Variants in CACNA1B observed in about 807,000 individuals in gnomAD.
CACNA1B encodes calcium voltage-gated channel subunit alpha1 B.
Under a neutral mutation model 247.2 loss-of-function variants are expected in CACNA1B, and 70 were observed. The observed-to-expected ratio is 0.28, with a 90% CI of 0.23 to 0.35. The LOEUF is 0.35. Ranked by LOEUF, CACNA1B falls within the 10% of genes least tolerant of loss-of-function variation. The pLI, the probability that CACNA1B is intolerant of heterozygous loss-of-function variation, is 1.00. For synonymous variants in CACNA1B, 1,231 were observed against 1,294.4 expected (o/e 0.95, Z 1.05); for missense variants, 2,367 against 3,197.4 (o/e 0.74, Z 6.26).
rs201196063 is a variant in CACNA1B, at chr9:138,015,932, A to G, written c.2267+2697A>G. On this transcript the variant is annotated intron_variant, in intron 18 of 46. Transcript: ENST00000371372. ...GTCACACTGACACTCACACACACAC[A>G]CATACTCACAAATACATATAGGCAA... Among the ~76,000 whole-genome samples the G allele has an allele frequency of 5.3e-5, 8 of 152,036 alleles. No homozygotes were observed. The East Asian group carries it at 1.5e-3, about 29-fold the overall frequency.
At position 138,052,362 on chromosome 9, in the gene CACNA1B, T is replaced by C. The variant is rs1210383950; in HGVS notation, c.3807+174T>C. Among the ~76,000 whole-genome samples, 1 of 152,164 alleles carries C rather than the reference T, an allele frequency of 6.6e-6. No individual in the cohort carries two copies. Among genetic ancestry groups the C allele is most frequent in the Non-Finnish European group, 1.5e-5 (1 of 68,036 alleles). On this transcript the variant is annotated intron_variant, in intron 25 of 46. Coordinates refer to ENST00000371372, the MANE Select transcript of CACNA1B (RefSeq NM_000718.4). This position sits in a 1 kb window ranked among gnomAD's most constrained non-coding sequence, Gnocchi z 5.1. ...AAGCCCCCATTACCCAAGTAGACCT[T>C]GTTCCCAGCAGCCTCCTGTGAGAAT...
intron 34 of CACNA1B, among the ~76,000 whole-genome samples, chr9:138,074,759 G>C (rs1468137060): frequency 6.6e-6 from 1 of 152,240 alleles, no homozygotes; most frequent in Non-Finnish European, 1.5e-5. Flanking sequence ...ATGGGTGCTG[G>C]CTGTGTGGTG....
Position 138,007,221 on chromosome 9 carries a change from TG to T in CACNA1B, c.2092+338del, listed in dbSNP as rs1042000880. Among the ~76,000 whole-genome samples, 1 of 152,166 alleles carries T rather than the reference TG, an allele frequency of 6.6e-6. No homozygotes were observed. Among genetic ancestry groups the T allele is most frequent in the African/African-American group, 2.4e-5 (1 of 41,428 alleles). ...GTTTTTGTTTTCACTTTGATTTAATTGTGTACTTAGGTTTTGGCACTGGGCT... is the reference window on the plus strand; with the variant it reads ...GTTTTTGTTTTCACTTTGATTTAATTTGTACTTAGGTTTTGGCACTGGGCT... On this transcript the variant is annotated intron_variant, in intron 16 of 46. Transcript: ENST00000371372. This position sits in a 1 kb window ranked among gnomAD's most constrained non-coding sequence, Gnocchi z 4.1.
intron 6 of CACNA1B, among the ~76,000 whole-genome samples, chr9:137,935,563 T>C (rs1323857054): frequency 6.6e-6 from 1 of 152,218 alleles, no homozygotes; most frequent in African/African-American, 2.4e-5. Flanking sequence ...ACAATAAACA[T>C]ATGTGTGCAT....
intron 40 of CACNA1B, among the ~76,000 whole-genome samples, chr9:138,113,965 ACTC>A (rs916675870): frequency 1.4e-5 from 2 of 145,788 alleles, no homozygotes; most frequent in African/African-American, 2.6e-5. Flanking sequence ...GAGGTGCCCA[ACTC>A]CTCCTTGTGG....
rs1248643307 is a variant in CACNA1B, at chr9:138,007,514, T to C, written c.2092+630T>C. On this transcript the variant is annotated intron_variant, in intron 16 of 46. Transcript: ENST00000371372. This position sits in a 1 kb window ranked among gnomAD's most constrained non-coding sequence, Gnocchi z 4.1. ...AGGGTGAGGGCTATGACAGGCAGTGTGAGTGGGTCCCCCTGTAGCTGGGGT... is the reference window on the plus strand; with the variant it reads ...AGGGTGAGGGCTATGACAGGCAGTGCGAGTGGGTCCCCCTGTAGCTGGGGT... Among the ~76,000 whole-genome samples the C allele has an allele frequency of 6.6e-6, 1 of 152,114 alleles. No individual in the cohort carries two copies. Among genetic ancestry groups the C allele is most frequent in the Non-Finnish European group, 1.5e-5 (1 of 68,004 alleles).
chr9:137,956,637 G>C, intron 8 of CACNA1B, 134 bp from the exon 9 acceptor site: 1 of 605,510 alleles, frequency 1.7e-6, no homozygotes, highest in Non-Finnish European at 2.8e-6. Flanking sequence ...CTGGGTGACA[G>C]AGCGAGACTC....
At chr9:137,983,980 G>A (rs928077560) in intron 12 of CACNA1B, among the ~76,000 whole-genome samples, 158 bp from the exon 13 acceptor site, 3 of 152,128 alleles carry the variant, frequency 2.0e-5, no homozygotes, top group African/African-American at 4.8e-5. Flanking sequence ...TCAGTGTGAG[G>A]TGTGTGCCTT....
chr9:137,963,701 G>A (rs186562022), intron 10 of CACNA1B, among the ~76,000 whole-genome samples: 2 of 152,260 alleles, frequency 1.3e-5, no homozygotes, highest in Non-Finnish European at 2.9e-5. Context: ...CCCGCCTAAA[G>A]TTGGTATTGT....
At chr9:138,098,807 C>T (rs1178312612) in intron 37 of CACNA1B, among the ~76,000 whole-genome samples, 4 of 152,194 alleles carry the variant, frequency 2.6e-5, no homozygotes, top group Non-Finnish European at 5.9e-5. Context: ...ACAAAACCTG[C>T]GGGCCTTGAG....
In CACNA1B at chr9:138,052,097, C is replaced by A; in HGVS notation, c.3716C>A (p.Ser1239Tyr). The change falls in exon 25 of 47, where the codon TCC becomes TAC. Residue 1239 changes from serine to tyrosine, a missense_variant. By Grantham distance (144) the Ser-to-Tyr change is moderately radical. Coordinates refer to ENST00000371372, the MANE Select transcript of CACNA1B (RefSeq NM_000718.4). The surrounding 1 kb of genome is among the most constrained non-coding windows in gnomAD (Gnocchi z 5.1). ...CTGTGGCTTCTCCCTTCTAGAGGAT[C>A]CAAAGGGAAAGACATCAATACCATC... ...GALVAFAFSG[S>Y]KGKDINTIKS... 6.3e-7 allele frequency: 1 copy of A among 1,594,420 alleles called. No individual in the cohort carries two copies. The highest frequency in any genetic ancestry group is 8.6e-7 in the Non-Finnish European group (1 of 1,162,812).
chr9:138,044,179 T>C (rs1589090458), intron 21 of CACNA1B, among the ~76,000 whole-genome samples: 1 of 152,344 alleles, frequency 6.6e-6, no homozygotes, highest in African/African-American at 2.4e-5. Context: ...AGGGACGCCG[T>C]CTGCCCTGTG....
chr9:137,894,551 G>A (rs1414281518), intron 3 of CACNA1B, among the ~76,000 whole-genome samples: 5 of 152,050 alleles, frequency 3.3e-5, no homozygotes, highest in African/African-American at 1.2e-4. Context: ...TGGGACTGCA[G>A]GCGCCCGCCA....
At chr9:138,094,212 A>G (rs1229602863) in intron 36 of CACNA1B, among the ~76,000 whole-genome samples, 1 of 152,176 alleles carries the variant, frequency 6.6e-6, no homozygotes, top group African/African-American at 2.4e-5. Context: ...TAAGTTACCT[A>G]TAGTAGTCAA....
intron 26 of CACNA1B, among the ~76,000 whole-genome samples, chr9:138,056,335 T>C (rs557378344): frequency 2.9e-4 from 44 of 152,352 alleles, no homozygotes; most frequent in African/African-American, 1.0e-3. Context: ...AATGATACAA[T>C]ATGTGGTCTT....
chr9:137,911,887 G>A (rs879343929), intron 3 of CACNA1B, among the ~76,000 whole-genome samples: 2 of 152,202 alleles, frequency 1.3e-5, no homozygotes, highest in Non-Finnish European at 2.9e-5. Flanking sequence ...GAGAAGGACC[G>A]GAGTCAGGGA....
rs1214028023 is a variant in CACNA1B at position 138,122,554 on chromosome 9, T to A, written c.*555T>A. The A allele has an allele frequency of 6.5e-6, 1 of 154,706 alleles. No individual in the cohort carries two copies. Among genetic ancestry groups the A allele is most frequent in the African/African-American group, 2.4e-5 (1 of 41,506 alleles). The allele number at this position is 154,706 out of a possible 1,614,324, so 9.6% of individuals were successfully genotyped here. On this transcript the variant is annotated 3_prime_UTR_variant, in exon 47 of 47. Coordinates refer to ENST00000371372, the MANE Select transcript of CACNA1B (RefSeq NM_000718.4). ...ACCGTCAGCCCCACAGGAACCGAGC[T>A]GGGAAGTGTTCTTGCTGTGGTTGTG...
At chr9:137,884,957 T>TTCC (rs1554919631) in intron 3 of CACNA1B, among the ~76,000 whole-genome samples, 1 of 60,434 alleles carries the variant, frequency 1.7e-5, no homozygotes, top group Non-Finnish European at 3.3e-5. Flanking sequence ...TCTCCCCTCT[T>TTCC]CCCCCCCCCC....
intron 36 of CACNA1B, 134 bp from the exon 37 acceptor site, chr9:138,096,350 C>G (rs770814161): frequency 1.5e-6 from 1 of 666,312 alleles, no homozygotes; most frequent in South Asian, 1.9e-5. Flanking sequence ...GAGAGCAGAT[C>G]GGGCATGTGC....
Sources: allele counts gnomAD v4.1 joint callset (sites outside exome capture counted in the v4.1 genomes callset), GRCh38; gene constraint gnomAD v4.1.1; non-coding constraint Gnocchi (gnomAD v3.1); transcripts MANE v1.5; gene names NCBI Gene and HGNC (gene_info 2026-07-23, HGNC 2026-07-21).